HTR3C: variants seen among roughly 807,000 people sequenced by gnomAD.
HTR3C encodes the protein 5-HT3-C.
In HTR3C, 32 loss-of-function variants were observed where a neutral mutation model predicts 40.5. The ratio of observed to expected loss-of-function variants is 0.79; its 90% CI spans 0.60 to 1.06. The LOEUF (loss-of-function observed/expected upper bound fraction) is 1.06, where lower values mean the gene tolerates loss of function less well. Ranked by LOEUF, HTR3C falls within the 50% of genes least tolerant of loss-of-function variation. The pLI, the probability that HTR3C is intolerant of heterozygous loss-of-function variation, is 0.00. For missense variants in HTR3C, 523 were observed against 556.8 expected, an observed-to-expected ratio of 0.94 and a Z score of 0.61; for synonymous variants, 209 against 217.1, an observed-to-expected ratio of 0.96 and a Z score of 0.33.
rs369321709 is a variant in HTR3C at position 184,054,817 on chromosome 3, G to T, written c.164G>T (p.Arg55Leu). ...GCAGTGTTTGACAGAAAGGCCTTCC[G>T]TCCATTCACCAACTACAGCATCCCT... ...FQAVFDRKAF[R>L]PFTNYSIPTR... The change falls in exon 2 of 9, where the codon CGT (arginine) becomes CTT (leucine). Residue 55 changes from arginine (R) to leucine (L), a missense_variant. Physicochemically the swap from Arg to Leu is moderately radical, Grantham distance 102 (BLOSUM62 -2). Coordinates refer to ENST00000318351, the MANE Select transcript of HTR3C (RefSeq NM_130770.3). The T allele has an allele frequency of 6.2e-7, 1 of 1,613,884 alleles. No homozygotes were observed. Among genetic ancestry groups the T allele is most frequent in the South Asian group, 1.1e-5 (1 of 91,044 alleles).
At chr3:184,057,218 C>G (rs1260486212) in intron 5 of HTR3C, among the ~76,000 whole-genome samples, 174 bp downstream of exon 5, 1 of 152,202 alleles carries the variant, frequency 6.6e-6, no homozygotes, top group Non-Finnish European at 1.5e-5. Flanking sequence ...AATCTCAGCA[C>G]TTTGGGAGGC....
intron 4 of HTR3C, 139 bp downstream of exon 4, chr3:184,056,425 G>A: frequency 3.0e-6 from 2 of 657,258 alleles, no homozygotes; most frequent in Admixed American, 2.5e-5. Flanking sequence ...ATCACTACGA[G>A]TAGAAGAGGC....
rs182932590 is a variant in HTR3C at position 184,060,552 on chromosome 3, C to T, written c.*200C>T. On this transcript the variant is annotated 3_prime_UTR_variant, in exon 9 of 9. Coordinates refer to ENST00000318351, the MANE Select transcript of HTR3C (RefSeq NM_130770.3). ...TTTCCCGACCGCTGCTCAGGCTGCT[C>T]ATTCCTGCTCACCCTCAGTCTCCCT... The T allele has an allele frequency of 2.2e-4, 141 of 639,588 alleles. 1 individual carries two copies. The African/African-American group carries it at 2.4e-3, about 11-fold the overall frequency. 39.6% of individuals were successfully genotyped at this position (639,588 alleles called of 1,614,324 possible).
At position 184,054,783 on chromosome 3, in the gene HTR3C, G is replaced by C; in HGVS notation, c.130G>C (p.Val44Leu). 6.2e-7 allele frequency: 1 copy of C among 1,613,914 alleles called. No individual in the cohort carries two copies. Among genetic ancestry groups the C allele is most frequent in the Non-Finnish European group, 8.5e-7 (1 of 1,179,860 alleles). ...GFDQHGVDPA[V>L]FQAVFDRKAF... ...TGACCAGCATGGGGTTGACCCTGCT[G>C]TCTTCCAAGCAGTGTTTGACAGAAA... Residue 44 changes from valine to leucine, a missense_variant, in exon 2 of 9, where the codon GTC becomes CTC. Coordinates refer to ENST00000318351, the MANE Select transcript of HTR3C (RefSeq NM_130770.3).
intron 6 of HTR3C, among the ~76,000 whole-genome samples, chr3:184,059,055 A>G (rs1723388162): frequency 6.6e-6 from 1 of 152,120 alleles, no homozygotes; most frequent in Admixed American, 6.5e-5. Context: ...CTGAAGCAGG[A>G]TCCCCAAGGC....
Position 184,054,536 on chromosome 3 carries a change from C to T in HTR3C, c.68-185C>T, listed in dbSNP as rs528211643. Among the ~76,000 whole-genome samples, 3 of 152,326 alleles carry T rather than the reference C, an allele frequency of 2.0e-5. No individual in the cohort carries two copies. In the East Asian group the frequency reaches 5.8e-4, roughly 29 times the overall value. On this transcript the variant is annotated intron_variant, in intron 1 of 8. Coordinates refer to ENST00000318351, the MANE Select transcript of HTR3C (RefSeq NM_130770.3). ...ATAGAGCCCTGACCTCAGCTCACCA[C>T]ATCCACTTCCACCATTTGCCTACCA...
rs1373847275 is a variant in HTR3C, at chr3:184,059,473, A to G, written c.758A>G (p.Asn253Ser). The change falls in exon 7 of 9, where the codon AAC becomes AGC. Residue 253 changes from asparagine (N) to serine (S), a missense_variant. By Grantham distance (46) the Asn-to-Ser change is conservative. Transcript: ENST00000318351. ...IRRRPSLYII[N>S]LLVPSSFLVA... ...CGCAGGCCAAGCCTCTACATCATAA[A>G]CCTGCTGGTGCCCAGTAGCTTTCTG... is the stretch of plus-strand genomic sequence containing the variant. The G allele has an allele frequency of 6.2e-7, 1 of 1,613,960 alleles. No individual in the cohort carries two copies. Among genetic ancestry groups the G allele is most frequent in the African/African-American group, 1.3e-5 (1 of 74,874 alleles).
Position 184,060,015 on chromosome 3 carries a change from C to T in HTR3C, c.1113C>T (p.Gly371=), listed in dbSNP as rs1377138430. 2 of 1,613,878 alleles carry T rather than the reference C, an allele frequency of 1.2e-6. No homozygotes were observed. The highest frequency in any genetic ancestry group is 1.7e-6 in the Non-Finnish European group (2 of 1,179,990). ...CTGCGCCCCAGAAGGGAAATAAGGG[C>T]CTGGGTCTCACCCTCACCCACCTGC... The part of the protein sequence containing the change: ...CPTAPQKGNK[G]LGLTLTHLPG... Residue 371 remains glycine (G), a synonymous_variant, in exon 8 of 9, where the codon GGC becomes GGT. Coordinates refer to ENST00000318351, the MANE Select transcript of HTR3C (RefSeq NM_130770.3).
Position 184,058,548 on chromosome 3 carries a change from G to A in HTR3C, c.681G>A (p.Met227Ile). The A allele has an allele frequency of 1.2e-6, 2 of 1,613,312 alleles. No homozygotes were observed. The highest frequency in any genetic ancestry group is 1.7e-6 in the Non-Finnish European group (2 of 1,179,712). ...LLGINKATPK[M>I]SMGNNLYDQI... ...GCATCAACAAGGCCACCCCAAAGATGTCCATGGGCAACAACCTATATGACC... is the reference window on the plus strand; with the variant it reads ...GCATCAACAAGGCCACCCCAAAGATATCCATGGGCAACAACCTATATGACC... The change falls in exon 6 of 9, where the codon ATG becomes ATA. Residue 227 changes from methionine (M) to isoleucine (I), a missense_variant. Coordinates refer to ENST00000318351, the MANE Select transcript of HTR3C (RefSeq NM_130770.3).
At position 184,060,517 on chromosome 3, in the gene HTR3C, C is replaced by T. The variant is rs1560082770; in HGVS notation, c.*165C>T. ...GCACTAGCAAGCAGGTTCGGGACAG[C>T]CCTGGACGATTTCCCGACCGCTGCT... On this transcript the variant is annotated 3_prime_UTR_variant, in exon 9 of 9. Coordinates refer to ENST00000318351, the MANE Select transcript of HTR3C (RefSeq NM_130770.3). The T allele has an allele frequency of 1.2e-6, 1 of 829,342 alleles. No homozygotes were observed. The highest frequency in any genetic ancestry group is 2.6e-5 in the East Asian group (1 of 38,092). 51.4% of individuals were successfully genotyped at this position (829,342 alleles called of 1,614,324 possible).
At chr3:184,053,834 A>C (rs2108970076) in intron 1 of HTR3C, among the ~76,000 whole-genome samples, 1 of 152,258 alleles carries the variant, frequency 6.6e-6, no homozygotes, top group South Asian at 2.1e-4. Context: ...GGCTCACTGC[A>C]ACCTCCGCCT....
At position 184,060,655 on chromosome 3, in the gene HTR3C, A is replaced by C; in HGVS notation, c.*303A>C. 3.4e-5 allele frequency: 14 copies of C among 407,996 alleles called. No homozygotes were observed. Among genetic ancestry groups the C allele is most frequent in the Admixed American group, 7.9e-5 (2 of 25,438 alleles). The allele number at this position is 407,996 out of a possible 1,614,324, so 25.3% of individuals were successfully genotyped here. A position where few individuals can be genotyped will look rare whatever the true frequency, so the allele number is the denominator to read the frequency against. On this transcript the variant is annotated 3_prime_UTR_variant, in exon 9 of 9. Transcript: ENST00000318351. Reference sequence around the variant, plus strand: ...AGTCTCTCCTTGATTGATCACCCCAATAAACAACTTTCCAGGAAGCACTGG... The same window carrying C: ...AGTCTCTCCTTGATTGATCACCCCACTAAACAACTTTCCAGGAAGCACTGG...
At chr3:184,056,040 G>T (rs1054449378) in intron 3 of HTR3C, 137 bp from the exon 4 acceptor site, 7 of 615,312 alleles carry the variant, frequency 1.1e-5, no homozygotes, top group Non-Finnish European at 1.7e-5. Flanking sequence ...AATCAAGAAT[G>T]GGGGGATAGG....
At chr3:184,054,992 C>T (rs1022845399) in intron 2 of HTR3C, 105 bp downstream of exon 2, 1 of 1,146,222 alleles carries the variant, frequency 8.7e-7, no homozygotes, top group Non-Finnish European at 1.2e-6. Flanking sequence ...ACAATAGGCA[C>T]CCTGGATGGA....
intron 7 of HTR3C, 44 bp downstream of exon 7, chr3:184,059,684 C>T (rs1321940942): frequency 6.2e-7 from 1 of 1,607,332 alleles, no homozygotes; most frequent in African/African-American, 1.3e-5. Context: ...GCACCCGGGG[C>T]CAGGGAGGAG....
At position 184,056,159 on chromosome 3, in the gene HTR3C, C is replaced by T. The variant is rs1723320367; in HGVS notation, c.280-18C>T. On this transcript the variant is annotated intron_variant, in intron 3 of 8. Coordinates refer to ENST00000318351, the MANE Select transcript of HTR3C (RefSeq NM_130770.3). ...AGCTCACCGTCACTCACCTCTGTCC[C>T]TCACTGCCCTGATGCAGGTATGGGA... 3 of 1,542,346 alleles carry T rather than the reference C, an allele frequency of 1.9e-6. No homozygotes were observed. Among genetic ancestry groups the T allele is most frequent in the Middle Eastern group, 1.7e-4 (1 of 5,932 alleles).
At chr3:184,058,122 G>A (rs751476321) in intron 5 of HTR3C, among the ~76,000 whole-genome samples, 1 of 152,102 alleles carries the variant, frequency 6.6e-6, no homozygotes, top group Non-Finnish European at 1.5e-5. Flanking sequence ...ACCACCATAC[G>A]ACTGGGGGAC....
rs6766410 is a variant in HTR3C at position 184,056,974 on chromosome 3, C to A, written c.489C>A (p.Asn163Lys). The stretch of plus-strand genomic sequence containing the variant: ...CAATGAGGGTGACCAGCATCTGTAA[C>A]CTGGACATCTTCTACTTCCCTTTTG... ...DKPMRVTSIC[N>K]LDIFYFPFDQ... Residue 163 changes from asparagine (N) to lysine (K), a missense_variant, in exon 5 of 9, where the codon AAC (asparagine) becomes AAA (lysine). Asn to Lys is a moderately conservative substitution (Grantham distance 94). Transcript: ENST00000318351. The A allele has an allele frequency of 0.43, 692,736 of 1,610,726 alleles. 151,190 individuals are homozygous for A. The highest frequency in any genetic ancestry group is 0.61 in the East Asian group (27,482 of 44,806).
intron 1 of HTR3C, among the ~76,000 whole-genome samples, chr3:184,053,488 A>G (rs2108969875): frequency 6.6e-6 from 1 of 152,238 alleles, no homozygotes; most frequent in South Asian, 2.1e-4. Flanking sequence ...AAGAGTAGCC[A>G]CTGATTTTAA....
Sources: allele counts gnomAD v4.1 joint callset (sites outside exome capture counted in the v4.1 genomes callset), GRCh38; gene constraint gnomAD v4.1.1; transcripts MANE v1.5; gene names NCBI Gene and HGNC (gene_info 2026-07-23, HGNC 2026-07-21).